COMMD10: variants seen among roughly 807,000 people sequenced by gnomAD.
The protein encoded by COMMD10 is COMM domain containing 10, also known as COMM domain-containing protein 10.
A neutral mutation model predicts 28.9 loss-of-function variants in COMMD10; 33 were observed. The observed-to-expected ratio is 1.14, with a 90% CI of 0.87 to 1.53. COMMD10 has a LOEUF of 1.53. Ranked by LOEUF, COMMD10 falls within the 40% of genes most tolerant of loss-of-function variation. The pLI, the probability that COMMD10 is intolerant of heterozygous loss-of-function variation, is 0.00. For synonymous variants in COMMD10, 110 were observed against 81.7 expected, an observed-to-expected ratio of 1.35 and a Z score of -1.87; for missense variants, 310 against 233.4, an observed-to-expected ratio of 1.33 and a Z score of -2.14.
intron 4 of COMMD10, among the ~76,000 whole-genome samples, chr5:116,125,570 G>GT (rs1483849571): frequency 1.3e-5 from 2 of 152,070 alleles, no homozygotes; most frequent in Non-Finnish European, 2.9e-5. Context: ...GGCGTTCTCT[G>GT]TATTACCTGA....
chr5:116,256,834 G>T lies in COMMD10; in HGVS notation c.511-34683G>T, dbSNP rs187293724. On this transcript the variant is annotated intron_variant, in intron 5 of 6. Coordinates refer to ENST00000274458, the MANE Select transcript of COMMD10 (RefSeq NM_016144.4). ...ATCATCAGAAAGCAAAGGTATCCCT[G>T]TCTCAGCCAGCCACGTGGATACTCT... 1.7e-3 allele frequency among the ~76,000 whole-genome samples: 265 copies of T among 151,760 alleles called. 5 individuals carry two copies. Among genetic ancestry groups the T allele is most frequent in the African/African-American group, 6.0e-3 (247 of 41,208 alleles).
chr5:116,088,538 C>A (rs1027157910), intron 2 of COMMD10, among the ~76,000 whole-genome samples: 2 of 152,164 alleles, frequency 1.3e-5, no homozygotes, highest in Non-Finnish European at 2.9e-5. Flanking sequence ...AGTTAGAAAT[C>A]CTTAACATTG....
intron 5 of COMMD10, among the ~76,000 whole-genome samples, chr5:116,248,932 C>G (rs1325399059): frequency 6.6e-6 from 1 of 151,900 alleles, no homozygotes; most frequent in African/African-American, 2.4e-5. Flanking sequence ...GTTTGAACAT[C>G]TTGTTTGGAG....
At chr5:116,165,745 G>A (rs541143656) in intron 5 of COMMD10, among the ~76,000 whole-genome samples, 55 of 152,026 alleles carry the variant, frequency 3.6e-4, no homozygotes, top group Non-Finnish European at 6.0e-4. Flanking sequence ...TCAGAGAGAT[G>A]GTGTCTCTTC....
chr5:116,095,476 A>T (rs1158193490), intron 4 of COMMD10, among the ~76,000 whole-genome samples: 2 of 152,204 alleles, frequency 1.3e-5, no homozygotes, highest in South Asian at 2.1e-4. Context: ...CGATAGATTA[A>T]TTGAGGCATA....
chr5:116,161,041 T>A (rs1752899253), intron 5 of COMMD10, among the ~76,000 whole-genome samples: 1 of 152,160 alleles, frequency 6.6e-6, no homozygotes, highest in Non-Finnish European at 1.5e-5. Flanking sequence ...AAATATCTCA[T>A]TTCTTGGGAA....
At chr5:116,281,467 C>G (rs529191760) in intron 5 of COMMD10, among the ~76,000 whole-genome samples, 1 of 151,798 alleles carries the variant, frequency 6.6e-6, no homozygotes, top group South Asian at 2.1e-4. Flanking sequence ...TTTGCACTTT[C>G]ATTTTCACTT....
chr5:116,246,923 A>G (rs545939131), intron 5 of COMMD10, among the ~76,000 whole-genome samples: 99 of 152,240 alleles, frequency 6.5e-4, no homozygotes, highest in Non-Finnish European at 6.9e-4. Context: ...ACGGGCAAAG[A>G]TTTCATGATG....
intron 5 of COMMD10, among the ~76,000 whole-genome samples, chr5:116,241,643 C>T (rs948036925): frequency 2.0e-4 from 29 of 142,600 alleles, no homozygotes; most frequent in African/African-American, 5.5e-4. Flanking sequence ...GATGGAGTCT[C>T]GCTCTGTCGC....
intron 5 of COMMD10, among the ~76,000 whole-genome samples, chr5:116,170,687 C>G (rs1753297366): frequency 6.6e-6 from 1 of 152,148 alleles, no homozygotes; most frequent in Admixed American, 6.5e-5. Context: ...TGCCACACAT[C>G]TACAACCATC....
At chr5:116,277,417 T>A (rs1750948539) in intron 5 of COMMD10, among the ~76,000 whole-genome samples, 1 of 151,918 alleles carries the variant, frequency 6.6e-6, no homozygotes, top group African/African-American at 2.4e-5. Context: ...CATATTTAGT[T>A]GGAAGAGCCT....
intron 4 of COMMD10, among the ~76,000 whole-genome samples, chr5:116,108,652 C>T (rs976544411): frequency 1.3e-5 from 2 of 152,220 alleles, no homozygotes; most frequent in South Asian, 2.1e-4. Flanking sequence ...CTGAGCCAGA[C>T]CACTTTGCTC....
At chr5:116,280,661 G>C (rs1414002206) in intron 5 of COMMD10, among the ~76,000 whole-genome samples, 1 of 151,834 alleles carries the variant, frequency 6.6e-6, no homozygotes, top group Admixed American at 6.6e-5. Flanking sequence ...ATGACTAACA[G>C]TTGTAAATGT....
At chr5:116,104,256 AT>A (rs1750760660) in intron 4 of COMMD10, among the ~76,000 whole-genome samples, 1 of 152,132 alleles carries the variant, frequency 6.6e-6, no homozygotes, top group South Asian at 2.1e-4. Flanking sequence ...CATTTTCACG[AT>A]ATTGATTCTT....
At chr5:116,210,297 A>T (rs946520016) in intron 5 of COMMD10, among the ~76,000 whole-genome samples, 1 of 151,638 alleles carries the variant, frequency 6.6e-6, no homozygotes, top group Admixed American at 6.6e-5. Flanking sequence ...TAAGCATTTT[A>T]TTCTGTTAAA....
chr5:116,154,162 T>C (rs781216549), intron 5 of COMMD10, among the ~76,000 whole-genome samples: 10 of 147,798 alleles, frequency 6.8e-5, no homozygotes, highest in Non-Finnish European at 1.0e-4. Context: ...AGTGTAAACA[T>C]TATCATTTTC....
chr5:116,220,724 G>A (rs1209723817), intron 5 of COMMD10, among the ~76,000 whole-genome samples: 1 of 152,004 alleles, frequency 6.6e-6, no homozygotes, highest in Non-Finnish European at 1.5e-5. Context: ...TAAATTTGTG[G>A]CACCTGTAGT....
intron 5 of COMMD10, among the ~76,000 whole-genome samples, chr5:116,155,968 T>G (rs879919003): frequency 6.6e-6 from 1 of 152,116 alleles, no homozygotes; most frequent in Non-Finnish European, 1.5e-5. Flanking sequence ...AGTGTTAAGT[T>G]TATTATATTT....
chr5:116,177,212 G>C (rs1479890586), intron 5 of COMMD10, among the ~76,000 whole-genome samples: 1 of 152,060 alleles, frequency 6.6e-6, no homozygotes, highest in Non-Finnish European at 1.5e-5. Flanking sequence ...GGGAAACTTG[G>C]GAGGGGTTGA....
Sources: allele counts gnomAD v4.1 joint callset (sites outside exome capture counted in the v4.1 genomes callset), GRCh38; gene constraint gnomAD v4.1.1; transcripts MANE v1.5; gene names NCBI Gene and HGNC (gene_info 2026-07-23, HGNC 2026-07-21).